Variants in USH2A observed in about 807,000 individuals in gnomAD.
USH2A encodes the protein usherin, also known as Usher syndrome 2A (autosomal recessive, mild).
A neutral mutation model predicts 538.9 loss-of-function variants in USH2A; 443 were observed. That is an observed-to-expected ratio of 0.82 (90% CI 0.76 to 0.89). USH2A has a LOEUF of 0.89. Among genes scored for constraint, USH2A ranks in the 40% least tolerant of loss-of-function variants. The probability of loss-of-function intolerance (pLI) is 0.00; values close to 1 mark genes in which losing one functional copy is unlikely to be tolerated. For missense variants in USH2A, 6,633 were observed against 6,324.8 expected, an observed-to-expected ratio of 1.05 and a Z score of -1.65; for synonymous variants, 2,413 against 2,273.5, an observed-to-expected ratio of 1.06 and a Z score of -1.75.
intron 11 of USH2A, among the ~76,000 whole-genome samples, chr1:216,252,466 G>A (rs763064906): frequency 1.3e-5 from 2 of 152,086 alleles, no homozygotes; most frequent in African/African-American, 4.8e-5. Flanking sequence ...AAAATATCTA[G>A]GTTGGGATTC....
intron 15 of USH2A, among the ~76,000 whole-genome samples, chr1:216,210,102 C>G (rs1572053618): frequency 6.6e-6 from 1 of 152,048 alleles, no homozygotes; most frequent in African/African-American, 2.4e-5. Flanking sequence ...GCCAAGAAGA[C>G]TCTGAATAGG....
rs1483774055 is a variant in USH2A at position 216,074,310 on chromosome 1, C to CTGTAGCG, written c.5573-1017_5573-1011dup. Reference sequence around the variant, plus strand: ...ACAAACAGGACCGAGTTTGAGATTGCTGTAGCGTGCATGTTCTCTCTCTCT... The same window carrying CTGTAGCG: ...ACAAACAGGACCGAGTTTGAGATTGCTGTAGCGTGTAGCGTGCATGTTCTCTCTCTCT... On this transcript the variant is annotated intron_variant, in intron 27 of 71. Transcript: ENST00000307340. 7.1e-5 allele frequency among the ~76,000 whole-genome samples: 10 copies of CTGTAGCG among 140,124 alleles called. No homozygotes were observed. The Admixed American group carries it at 7.6e-4, about 11-fold the overall frequency. 91.9% of individuals were successfully genotyped at this position (140,124 alleles called of 152,430 possible).
intron 61 of USH2A, among the ~76,000 whole-genome samples, chr1:215,722,881 C>T (rs1659703755): frequency 6.6e-6 from 1 of 152,122 alleles, no homozygotes; most frequent in Non-Finnish European, 1.5e-5. Context: ...TTTAAAATCC[C>T]AAATTATCAG....
At chr1:216,190,173 T>C (rs745675809) in intron 20 of USH2A, 50 bp downstream of exon 20, 2 of 1,609,646 alleles carry the variant, frequency 1.2e-6, no homozygotes, top group Non-Finnish European at 8.5e-7. Context: ...ATTATAAGTT[T>C]TTTTTCTTGA....
At chr1:216,219,787 G>T (rs1172898582) in intron 14 of USH2A, among the ~76,000 whole-genome samples, 3 of 152,054 alleles carry the variant, frequency 2.0e-5, no homozygotes, top group Non-Finnish European at 2.9e-5. Context: ...TTGCTAAATG[G>T]ATTTCATAAA....
At chr1:215,632,747 TC>T (rs536957406) in intron 70 of USH2A, among the ~76,000 whole-genome samples, 10 of 152,254 alleles carry the variant, frequency 6.6e-5, no homozygotes, top group Non-Finnish European at 8.8e-5. Context: ...TCCACTGCCT[TC>T]CTCCAGCAGC....
chr1:216,335,217 CA>C (rs1290188536), intron 4 of USH2A, among the ~76,000 whole-genome samples: 7 of 151,388 alleles, frequency 4.6e-5, no homozygotes, highest in African/African-American at 1.5e-4. Flanking sequence ...GAAGAAATTA[CA>C]AAAAGATTTA....
Position 216,246,709 on chromosome 1 carries a change from T to C in USH2A, c.2685A>G (p.Gln895=). The C allele has an allele frequency of 6.2e-7, 1 of 1,614,094 alleles. No individual in the cohort carries two copies. Among genetic ancestry groups the C allele is most frequent in the Non-Finnish European group, 8.5e-7 (1 of 1,179,970 alleles). ...AATCACACTCACACATCTGGCAGTG[T>C]TGAAAATTGTCAATGGTCAAATTGT... ...HRYNLTIDNF[Q]HCQMCECDSL... is the part of the protein sequence containing the mutation. The change falls in exon 13 of 72, where the codon CAA becomes CAG. Residue 895 remains glutamine, a synonymous_variant. Transcript: ENST00000307340.
intron 69 of USH2A, among the ~76,000 whole-genome samples, chr1:215,636,524 G>A (rs1049603603): frequency 6.6e-6 from 1 of 152,166 alleles, no homozygotes; most frequent in African/African-American, 2.4e-5. Context: ...AACCAGCCTA[G>A]GTTGCACACT....
At chr1:216,288,085 G>T (rs1032909656) in intron 11 of USH2A, among the ~76,000 whole-genome samples, 1 of 151,984 alleles carries the variant, frequency 6.6e-6, no homozygotes, top group African/African-American at 2.4e-5. Flanking sequence ...TTTGTAATTG[G>T]GTGGTCAGCA....
rs766291467 is a variant in USH2A at position 215,674,487 on chromosome 1, C to A, written c.13424G>T (p.Arg4475Ile). Residue 4475 changes from arginine to isoleucine, a missense_variant, in exon 63 of 72, where the codon AGA becomes ATA. Coordinates refer to ENST00000307340, the MANE Select transcript of USH2A (RefSeq NM_206933.4). ...KPPRNPNGQI[R>I]SYELRRDGTI... ...TCCATCCCTCCTAAGTTCATAACTT[C>A]TGATCTGGCCATTTGGGTTTCTTGG... The A allele has an allele frequency of 6.2e-7, 1 of 1,614,188 alleles. No homozygotes were observed. The highest frequency in any genetic ancestry group is 8.5e-7 in the Non-Finnish European group (1 of 1,180,034).
At chr1:216,138,455 T>C (rs1046267865) in intron 21 of USH2A, among the ~76,000 whole-genome samples, 6 of 152,336 alleles carry the variant, frequency 3.9e-5, no homozygotes, top group African/African-American at 1.4e-4. Context: ...TAGCCCTTTT[T>C]CATGGGTGAT....
At chr1:216,168,425 TGAAA>T (rs1308773226) in intron 21 of USH2A, among the ~76,000 whole-genome samples, 1 of 152,134 alleles carries the variant, frequency 6.6e-6, no homozygotes, top group Non-Finnish European at 1.5e-5. Context: ...ATTATGACAG[TGAAA>T]GAGACCTGGC....
chr1:216,010,684 A>C (rs1169464609), intron 32 of USH2A, among the ~76,000 whole-genome samples: 3 of 149,960 alleles, frequency 2.0e-5, no homozygotes, highest in African/African-American at 7.4e-5. Context: ...AAACTCTCCA[A>C]CTCTGGTGCC....
chr1:216,226,929 A>AAG (rs2035574197), intron 14 of USH2A, among the ~76,000 whole-genome samples: 1 of 152,144 alleles, frequency 6.6e-6, no homozygotes, highest in Non-Finnish European at 1.5e-5. Context: ...GTCTCTTCTC[A>AAG]GTTAGATTTG....
intron 21 of USH2A, among the ~76,000 whole-genome samples, chr1:216,153,717 G>A (rs947095741): frequency 2.6e-5 from 4 of 151,924 alleles, no homozygotes; most frequent in African/African-American, 9.7e-5. Context: ...TAGATATAAG[G>A]GGAAAAAAAC....
intron 4 of USH2A, among the ~76,000 whole-genome samples, chr1:216,334,964 C>G (rs1164162597): frequency 6.6e-6 from 1 of 151,588 alleles, no homozygotes; most frequent in African/African-American, 2.4e-5. Context: ...TAATAGACAC[C>G]AACAGAACAC....
chr1:215,754,106 A>G (rs1660713411), intron 58 of USH2A, among the ~76,000 whole-genome samples: 1 of 152,224 alleles, frequency 6.6e-6, no homozygotes, highest in African/African-American at 2.4e-5. Context: ...CGAATTTCTT[A>G]TCTTAAGATG....
intron 44 of USH2A, among the ~76,000 whole-genome samples, chr1:215,848,422 A>G (rs1054751818): frequency 1.3e-5 from 2 of 152,212 alleles, no homozygotes; most frequent in Non-Finnish European, 2.9e-5. Flanking sequence ...TGCACTATCA[A>G]GTTCCAATTA....
Sources: gnomAD v4.1 joint callset for allele counts (sites outside exome capture counted in the v4.1 genomes callset) on GRCh38, gnomAD v4.1.1 for gene constraint, MANE v1.5 for transcripts, NCBI Gene and HGNC (gene_info 2026-07-23, HGNC 2026-07-21) for gene names.